Variants in DENND4C observed in about 807,000 individuals in gnomAD.
DENND4C encodes the protein DENN domain-containing protein 4C.
A neutral mutation model predicts 203.0 loss-of-function variants in DENND4C; 108 were observed. That is an observed-to-expected ratio of 0.53 (90% CI 0.46 to 0.62). DENND4C has a LOEUF of 0.62. DENND4C is among the 20% of genes least tolerant of loss of function. The probability of loss-of-function intolerance (pLI) is 0.00; values close to 1 mark genes in which losing one functional copy is unlikely to be tolerated. For missense variants in DENND4C, 2,481 were observed against 2,301.2 expected (o/e 1.08, Z -1.60); for synonymous variants, 871 against 792.4 (o/e 1.10, Z -1.67).
In DENND4C at chr9:19,346,074, C is replaced by G; in HGVS notation, c.3305C>G (p.Ala1102Gly). The change falls in exon 23 of 33, where the codon GCA (alanine) becomes GGA (glycine). Residue 1102 changes from alanine to glycine, a missense_variant. Around this residue, in one of 3 missense-constraint regions of DENND4C, gnomAD observed 2,289 missense variants for 2,113.3 expected, o/e 1.08. Transcript: ENST00000434457. ...TGTAGTTTTAGTTCTGAAAGTCGAG[C>G]AGGAATGTTGCTTAAGAAGAGTAGT... ...RSCSFSSESR[A>G]GMLLKKSSLD... 5 of 1,614,156 alleles carry G rather than the reference C, an allele frequency of 3.1e-6. No individual in the cohort carries two copies. Among genetic ancestry groups the G allele is most frequent in the Non-Finnish European group, 4.2e-6 (5 of 1,180,034 alleles).
At chr9:19,302,192 T>TA (rs1428742247) in intron 9 of DENND4C, among the ~76,000 whole-genome samples, 4 of 152,214 alleles carry the variant, frequency 2.6e-5, no homozygotes, top group African/African-American at 9.6e-5. Context: ...TTATGCCAGT[T>TA]ACCATTTGAA....
chr9:19,312,618 A>T (rs1020214214), intron 10 of DENND4C, among the ~76,000 whole-genome samples: 1 of 152,184 alleles, frequency 6.6e-6, no homozygotes, highest in African/African-American at 2.4e-5. Flanking sequence ...ATGTGTTTTA[A>T]GTTATTTTTG....
Position 19,342,622 on chromosome 9 carries a change from T to C in DENND4C, c.3005-11T>C, listed in dbSNP as rs1821911192. On this transcript the variant is annotated splice_polypyrimidine_tract_variant and intron_variant, in intron 21 of 32. Transcript: ENST00000434457. ...AAGTAGGAATGATAACATCCAAATA[T>C]TTTTTTCCAGAGGTGTGTGATGCCT... 2.5e-6 allele frequency: 4 copies of C among 1,577,114 alleles called. No homozygotes were observed. Among genetic ancestry groups the C allele is most frequent in the Non-Finnish European group, 3.4e-6 (4 of 1,165,886 alleles).
intron 30 of DENND4C, among the ~76,000 whole-genome samples, chr9:19,365,773 A>G (rs562931032): frequency 4.1e-4 from 52 of 127,354 alleles, no homozygotes; most frequent in African/African-American, 1.3e-3. Flanking sequence ...AACTATTTCT[A>G]TATCTTTGAA....
chr9:19,250,202 G>C (rs958464524), intron 1 of DENND4C, among the ~76,000 whole-genome samples: 2 of 152,064 alleles, frequency 1.3e-5, no homozygotes, highest in African/African-American at 4.8e-5. Flanking sequence ...CAGCACTTTG[G>C]GGGGCTGAGG....
intron 2 of DENND4C, among the ~76,000 whole-genome samples, chr9:19,284,249 A>C (rs1192488096): frequency 6.6e-6 from 1 of 152,190 alleles, no homozygotes; most frequent in Non-Finnish European, 1.5e-5. Context: ...TTTTCACCTA[A>C]GAGTATATAC....
chr9:19,269,224 G>A (rs1293127012), intron 1 of DENND4C, among the ~76,000 whole-genome samples: 2 of 151,896 alleles, frequency 1.3e-5, no homozygotes, highest in Admixed American at 6.6e-5. Flanking sequence ...GTGCAATGGC[G>A]TGATCTTAGC....
Position 19,286,879 on chromosome 9 carries a change from T to C in DENND4C, c.416T>C (p.Ile139Thr), listed in dbSNP as rs1471004275. 8.1e-7 allele frequency: 1 copy of C among 1,232,004 alleles called. No homozygotes were observed. Among genetic ancestry groups the C allele is most frequent in the Non-Finnish European group, 1.0e-6 (1 of 987,968 alleles). 76.3% of individuals were successfully genotyped at this position (1,232,004 alleles called of 1,614,324 possible). A position where few individuals can be genotyped will look rare whatever the true frequency, so the allele number is the denominator to read the frequency against. The change falls in exon 3 of 33, where the codon ATC becomes ACC. Residue 139 changes from isoleucine to threonine, a missense_variant. Around this residue, in one of 3 missense-constraint regions of DENND4C, gnomAD observed 187 missense variants for 167.4 expected, o/e 1.12. Transcript: ENST00000434457. ...AATAGTTCAACTACTTCACAAAGAA[T>C]CTTTATCACTTATCGAAGGGCTCCT... ...VNNSSTTSQR[I>T]FITYRRAPPV...
intron 22 of DENND4C, among the ~76,000 whole-genome samples, chr9:19,343,452 TC>T (rs1293312146): frequency 6.6e-6 from 1 of 152,252 alleles, no homozygotes; most frequent in Non-Finnish European, 1.5e-5. Flanking sequence ...AGTTGACTTT[TC>T]TGAAGTTGAC....
Position 19,352,678 on chromosome 9 carries a change from A to C in DENND4C, c.4781+13A>C. ...GAGGTTCTGCAAGGTTAGTCTTATAAAAGCTCTCTCAAGAAGTAAGTACCC... is the reference window on the plus strand; with the variant it reads ...GAGGTTCTGCAAGGTTAGTCTTATACAAGCTCTCTCAAGAAGTAAGTACCC... On this transcript the variant is annotated intron_variant, in intron 26 of 32. Coordinates refer to ENST00000434457, the MANE Select transcript of DENND4C (RefSeq NM_001330640.2). The C allele has an allele frequency of 6.4e-7, 1 of 1,560,956 alleles. No individual in the cohort carries two copies. The highest frequency in any genetic ancestry group is 8.7e-7 in the Non-Finnish European group (1 of 1,150,688).
Position 19,299,272 on chromosome 9 carries a change from C to T in DENND4C, c.1151C>T (p.Thr384Ile). Residue 384 changes from threonine to isoleucine, a missense_variant, in exon 8 of 33, where the codon ACA becomes ATA. Physicochemically the swap from Thr to Ile is moderately conservative, Grantham distance 89. Coordinates refer to ENST00000434457, the MANE Select transcript of DENND4C (RefSeq NM_001330640.2). Reference protein sequence around the residue: ...DALILSQPVSTPLPLSGANFS... With the variant: ...DALILSQPVSIPLPLSGANFS... ...TTAATATTATCACAGCCAGTTTCTA[C>T]ACCTTTACCACTAAGGTAATTACTG... 6.3e-7 allele frequency: 1 copy of T among 1,576,580 alleles called. No homozygotes were observed. The highest frequency in any genetic ancestry group is 2.3e-5 in the East Asian group (1 of 43,794).
chr9:19,340,348 A>C, intron 20 of DENND4C, among the ~76,000 whole-genome samples: 1 of 152,202 alleles, frequency 6.6e-6, no homozygotes, highest in East Asian at 1.9e-4. Context: ...TAATGTGTTC[A>C]AAGTTACTTG....
chr9:19,370,142 A>G lies in DENND4C; in HGVS notation c.5675+155A>G, dbSNP rs532566817. On this transcript the variant is annotated intron_variant, in intron 31 of 32. Transcript: ENST00000434457. The stretch of plus-strand genomic sequence containing the variant: ...GTGCTACACAGATATATACATTCCT[A>G]CTTGAACACAAACACATAATAAAAG... 112 of 897,208 alleles carry G rather than the reference A, an allele frequency of 1.2e-4. 1 individual carries two copies. In the South Asian group the frequency reaches 1.6e-3, roughly 13 times the overall value. 55.6% of individuals were successfully genotyped at this position (897,208 alleles called of 1,614,324 possible). A position where few individuals can be genotyped will look rare whatever the true frequency, so the allele number is the denominator to read the frequency against.
At chr9:19,251,165 T>C (rs1826486951) in intron 1 of DENND4C, among the ~76,000 whole-genome samples, 1 of 152,232 alleles carries the variant, frequency 6.6e-6, no homozygotes, top group Non-Finnish European at 1.5e-5. Flanking sequence ...CTCTGAAATC[T>C]AGGCGGTGGT....
In DENND4C at chr9:19,298,066, C is replaced by T. The variant is rs866603630; in HGVS notation, c.1051C>T (p.His351Tyr). 6.2e-7 allele frequency: 1 copy of T among 1,607,958 alleles called. No individual in the cohort carries two copies. Among genetic ancestry groups the T allele is most frequent in the East Asian group, 2.2e-5 (1 of 44,618 alleles). Reference sequence around the variant, plus strand: ...AATTTTTTTTTCTAGGCACATTTCACATTTTATGCAAAACATCCCTTTTCC... The same window carrying T: ...AATTTTTTTTTCTAGGCACATTTCATATTTTATGCAAAACATCCCTTTTCC... ...HPLPIEKHIS[H>Y]FMQNIPFPSP... Residue 351 changes from histidine (H) to tyrosine (Y), a missense_variant, in exon 7 of 33, where the codon CAT becomes TAT. Physicochemically the swap from His to Tyr is moderately conservative, Grantham distance 83. This residue lies in a region of DENND4C where 2,289 missense variants were observed against 2,113.3 expected (regional missense o/e 1.08). Transcript: ENST00000434457.
intron 4 of DENND4C, among the ~76,000 whole-genome samples, chr9:19,288,928 G>T (rs1835734233): frequency 6.6e-6 from 1 of 152,132 alleles, no homozygotes; most frequent in Non-Finnish European, 1.5e-5. Flanking sequence ...TCAAGCTTTT[G>T]GTCTACGTTA....
intron 12 of DENND4C, among the ~76,000 whole-genome samples, chr9:19,322,105 A>C (rs1842979692): frequency 6.6e-6 from 1 of 152,190 alleles, no homozygotes; most frequent in African/African-American, 2.4e-5. Context: ...CACAAAAAAC[A>C]TGAAGGGAGA....
chr9:19,274,382 G>A (rs1393263073), intron 1 of DENND4C, among the ~76,000 whole-genome samples: 7 of 151,702 alleles, frequency 4.6e-5, no homozygotes, highest in Admixed American at 6.6e-5. Flanking sequence ...CGCAACCTCC[G>A]CCTACCGGGT....
At position 19,341,005 on chromosome 9, in the gene DENND4C, C is replaced by G; in HGVS notation, c.2895C>G (p.Asp965Glu). Residue 965 changes from aspartate to glutamate, a missense_variant, in exon 21 of 33, where the codon GAC becomes GAG. This residue lies in a region of DENND4C where 2,289 missense variants were observed against 2,113.3 expected (regional missense o/e 1.08). Coordinates refer to ENST00000434457, the MANE Select transcript of DENND4C (RefSeq NM_001330640.2). ...TCTTTTTAACAGGTGGTCAGTCTGACCAAGGATACGGGTCTAAGGATGAAC... is the reference window on the plus strand; with the variant it reads ...TCTTTTTAACAGGTGGTCAGTCTGAGCAAGGATACGGGTCTAAGGATGAAC... ...DNHSSTGGQSDQGYGSKDELI... is the reference protein window; with the variant it reads ...DNHSSTGGQSEQGYGSKDELI... The G allele has an allele frequency of 6.2e-7, 1 of 1,607,878 alleles. No homozygotes were observed. The highest frequency in any genetic ancestry group is 8.5e-7 in the Non-Finnish European group (1 of 1,177,624).
Sources: allele counts gnomAD v4.1 joint callset (sites outside exome capture counted in the v4.1 genomes callset), GRCh38; gene constraint gnomAD v4.1.1; regional missense constraint gnomAD v4.1.1; transcripts MANE v1.5; gene names NCBI Gene and HGNC (gene_info 2026-07-23, HGNC 2026-07-21).